Variants in EPHA6 observed in about 807,000 individuals in gnomAD.
EPHA6 encodes EPH receptor A6.
EPHA6 carries 50 observed loss-of-function variants against 112.0 expected under a neutral mutation model. The ratio of observed to expected loss-of-function variants is 0.45; its 90% CI spans 0.36 to 0.56. EPHA6 has a LOEUF of 0.56. Among genes scored for constraint, EPHA6 ranks in the 20% least tolerant of loss-of-function variants. The pLI, the probability that EPHA6 is intolerant of heterozygous loss-of-function variation, is 0.00. For synonymous variants in EPHA6, 529 were observed against 490.7 expected, an observed-to-expected ratio of 1.08 and a Z score of -1.03; for missense variants, 1,280 against 1,417.4, an observed-to-expected ratio of 0.90 and a Z score of 1.56.
rs1038657153 is a variant in EPHA6, at chr3:97,746,460, A to G, written c.3129-963A>G. 7.9e-5 allele frequency among the ~76,000 whole-genome samples: 12 copies of G among 151,940 alleles called. No homozygotes were observed. In the East Asian group the frequency reaches 2.3e-3, roughly 29 times the overall value. The stretch of plus-strand genomic sequence containing the variant: ...TTTTATGTAAGTATGTAAAGAAACT[A>G]ATACAATTTATTGTCAGAATGGCTT... On this transcript the variant is annotated intron_variant, in intron 16 of 17. Transcript: ENST00000389672.
intron 3 of EPHA6, among the ~76,000 whole-genome samples, chr3:97,088,051 T>G (rs2046955260): frequency 6.6e-6 from 1 of 151,836 alleles, no homozygotes; most frequent in Admixed American, 6.6e-5. Flanking sequence ...GGTGGTGGCG[T>G]GCACCTATAG....
chr3:97,201,853 A>G (rs1308956321), intron 3 of EPHA6, among the ~76,000 whole-genome samples: 1 of 152,108 alleles, frequency 6.6e-6, no homozygotes, highest in Admixed American at 6.5e-5. Flanking sequence ...CCCAGTGAAG[A>G]CGTAAATTCC....
At chr3:97,558,923 T>C (rs952162486) in intron 11 of EPHA6, among the ~76,000 whole-genome samples, 3 of 151,998 alleles carry the variant, frequency 2.0e-5, no homozygotes, top group Non-Finnish European at 4.4e-5. Flanking sequence ...TTTTACAGAA[T>C]TAAAATAGTG....
chr3:97,220,081 A>G (rs974128310), intron 3 of EPHA6, among the ~76,000 whole-genome samples: 4 of 152,182 alleles, frequency 2.6e-5, no homozygotes, highest in African/African-American at 9.6e-5. Context: ...AGCAAGAGTC[A>G]CCTTTATTCC....
At chr3:97,659,564 G>C (rs1456170581) in intron 14 of EPHA6, among the ~76,000 whole-genome samples, 1 of 151,740 alleles carries the variant, frequency 6.6e-6, no homozygotes, top group Admixed American at 6.6e-5. Context: ...GATACACATG[G>C]GGGAAAAAAC....
At chr3:97,078,470 A>G (rs142622057) in intron 3 of EPHA6, among the ~76,000 whole-genome samples, 15,111 of 152,180 alleles carry the variant, frequency 0.099, 988 homozygotes, top group South Asian at 0.23. Context: ...GTCCTTGCCC[A>G]TGCCTATGTC....
At chr3:97,460,184 A>G (rs1391489790) in intron 7 of EPHA6, among the ~76,000 whole-genome samples, 4 of 152,236 alleles carry the variant, frequency 2.6e-5, no homozygotes, top group East Asian at 1.9e-4. Context: ...TCAATTAGGC[A>G]TCATAGGACT....
Position 97,728,805 on chromosome 3 carries a change from C to T in EPHA6, c.2935-7120C>T, listed in dbSNP as rs1324906135. 3.3e-5 allele frequency among the ~76,000 whole-genome samples: 5 copies of T among 152,138 alleles called. No individual in the cohort carries two copies. The East Asian group carries it at 9.7e-4, about 29-fold the overall frequency. On this transcript the variant is annotated intron_variant, in intron 15 of 17. Coordinates refer to ENST00000389672, the MANE Select transcript of EPHA6 (RefSeq NM_001080448.3). ...TCCTTCTCTAATGTTGTTTCCATGA[C>T]TTACAAACTGAATGAGACTTTAAAC...
At chr3:97,424,248 T>G (rs1033794948) in intron 6 of EPHA6, among the ~76,000 whole-genome samples, 2 of 152,114 alleles carry the variant, frequency 1.3e-5, no homozygotes, top group African/African-American at 2.4e-5. Context: ...ATGATTAAAT[T>G]AACTCCACCT....
chr3:97,500,519 G>T (rs1337072496), intron 10 of EPHA6, among the ~76,000 whole-genome samples: 1 of 152,024 alleles, frequency 6.6e-6, no homozygotes, highest in African/African-American at 2.4e-5. Flanking sequence ...ACAGCACCAG[G>T]GGGATAGTGC....
intron 6 of EPHA6, among the ~76,000 whole-genome samples, chr3:97,415,641 G>C (rs1028814761): frequency 6.6e-6 from 1 of 152,018 alleles, no homozygotes; most frequent in Non-Finnish European, 1.5e-5. Flanking sequence ...AGAAGAGCTT[G>C]TTAAAGCACT....
intron 2 of EPHA6, among the ~76,000 whole-genome samples, chr3:96,939,487 T>C (rs1012730516): frequency 3.3e-5 from 5 of 152,230 alleles, no homozygotes; most frequent in African/African-American, 1.2e-4. Flanking sequence ...CTATTGATTC[T>C]TCTCTCTTTT....
At chr3:96,884,380 A>G (rs1032984975) in intron 2 of EPHA6, among the ~76,000 whole-genome samples, 2 of 152,088 alleles carry the variant, frequency 1.3e-5, no homozygotes, top group Non-Finnish European at 2.9e-5. Flanking sequence ...CATTTGTGTC[A>G]TCTGTGATGT....
In EPHA6 at chr3:97,493,509, C is replaced by T. The variant is rs982344770; in HGVS notation, c.2200+9450C>T. On this transcript the variant is annotated intron_variant, in intron 10 of 17. Coordinates refer to ENST00000389672, the MANE Select transcript of EPHA6 (RefSeq NM_001080448.3). ...CACAGTCTTTATCAGATTAGGGTCC[C>T]GCTCTGAAAACCTCATTTAGCCTTA... is the stretch of plus-strand genomic sequence containing the variant. Among the ~76,000 whole-genome samples the T allele has an allele frequency of 3.3e-5, 5 of 152,130 alleles. 2 individuals are homozygous for T. The highest frequency in any genetic ancestry group is 1.5e-5 in the Non-Finnish European group (1 of 67,994).
At chr3:97,034,863 C>T (rs923573828) in intron 3 of EPHA6, among the ~76,000 whole-genome samples, 3 of 151,848 alleles carry the variant, frequency 2.0e-5, no homozygotes, top group African/African-American at 7.3e-5. Context: ...TTTCTGAGAC[C>T]TCAGAGCAAT....
chr3:97,579,001 T>C (rs2093413387), intron 11 of EPHA6, among the ~76,000 whole-genome samples: 1 of 152,202 alleles, frequency 6.6e-6, no homozygotes, highest in African/African-American at 2.4e-5. Context: ...TTCATTTTTA[T>C]TTCATGTTTA....
intron 5 of EPHA6, among the ~76,000 whole-genome samples, chr3:97,374,825 A>G (rs72926394): frequency 0.03 from 4,525 of 152,236 alleles, 215 homozygotes; most frequent in African/African-American, 0.099. Flanking sequence ...ACCAGATACC[A>G]CATTACTACT....
At chr3:97,003,504 CCA>C (rs1444341618) in intron 3 of EPHA6, among the ~76,000 whole-genome samples, 1 of 151,972 alleles carries the variant, frequency 6.6e-6, no homozygotes, top group Non-Finnish European at 1.5e-5. Flanking sequence ...AAGAGAATTC[CCA>C]CAGAGTTTCT....
chr3:97,177,134 C>T (rs1159200202), intron 3 of EPHA6, among the ~76,000 whole-genome samples: 1 of 151,792 alleles, frequency 6.6e-6, no homozygotes, highest in East Asian at 1.9e-4. Flanking sequence ...TTCATTGACC[C>T]ACTGTTCATT....
Sources: gnomAD v4.1 joint callset for allele counts (sites outside exome capture counted in the v4.1 genomes callset) on GRCh38, gnomAD v4.1.1 for gene constraint, MANE v1.5 for transcripts, NCBI Gene and HGNC (gene_info 2026-07-23, HGNC 2026-07-21) for gene names.